PRXL2C: variants seen among roughly 807,000 people sequenced by gnomAD.
PRXL2C encodes the protein peroxiredoxin like 2C.
A neutral mutation model predicts 24.9 loss-of-function variants in PRXL2C; 38 were observed. The observed-to-expected ratio is 1.53, with a 90% confidence interval of 1.18 to 2.00. The LOEUF (loss-of-function observed/expected upper bound fraction) is 2.00, where lower values mean the gene tolerates loss of function less well. Ranked by LOEUF, PRXL2C falls within the 30% of genes most tolerant of loss-of-function variation. The pLI, the probability that PRXL2C is intolerant of heterozygous loss-of-function variation, is 0.00. For missense variants in PRXL2C, 294 were observed against 290.9 expected, an observed-to-expected ratio of 1.01 and a Z score of -0.08; for synonymous variants, 98 against 117.2, an observed-to-expected ratio of 0.84 and a Z score of 1.06.
intron 5 of PRXL2C, among the ~76,000 whole-genome samples, chr9:96,644,873 C>T (rs556775312): frequency 5.4e-4 from 64 of 117,814 alleles, no homozygotes; most frequent in Admixed American, 1.2e-3. Flanking sequence ...TAAATAACTA[C>T]ATGGATTCTT....
In PRXL2C at chr9:96,651,682, G is replaced by A; in HGVS notation, c.292C>T (p.Gln98Ter). Residue 98 changes from glutamine (Q) to a stop codon, truncating the protein, a stop_gained, in exon 3 of 6, where the codon CAG becomes TAG. Transcript: ENST00000375234. LOFTEE classifies it high-confidence loss of function. ...ACCTCAATATGATGGTAGGATGACT[G>A]TCCAATCACTATAAGGGTGACATTT... is the stretch of plus-strand genomic sequence containing the variant. ...EANVTLIVIG[Q>*]SSYHHIEPFC... The A allele has an allele frequency of 6.2e-7, 1 of 1,610,628 alleles. No individual in the cohort carries two copies. Among genetic ancestry groups the A allele is most frequent in the Non-Finnish European group, 8.5e-7 (1 of 1,177,854 alleles).
chr9:96,655,169 G>C lies in PRXL2C; in HGVS notation c.113C>G (p.Pro38Arg). The C allele has an allele frequency of 8.1e-7, 1 of 1,236,286 alleles. No individual in the cohort carries two copies. The highest frequency in any genetic ancestry group is 1.0e-6 in the Non-Finnish European group (1 of 992,252). 76.6% of individuals were successfully genotyped at this position (1,236,286 alleles called of 1,614,324 possible). A position where few individuals can be genotyped will look rare whatever the true frequency, so the allele number is the denominator to read the frequency against. Residue 38 changes from proline (P) to arginine (R), a missense_variant, in exon 1 of 6, where the codon CCG (proline) becomes CGG (arginine). Pro to Arg is a moderately radical substitution (Grantham distance 103). Coordinates refer to ENST00000375234, the MANE Select transcript of PRXL2C (RefSeq NM_153698.2). ...CCGCTGCCCGCGGGCGTCCAGCACC[G>C]GCAGCTCGGCCACGGCGGCCGCCAG... The part of the protein sequence containing the change: ...QPLAAAVAEL[P>R]VLDARGQRVP...
At chr9:96,653,102 TG>T (rs1269834469) in intron 2 of PRXL2C, among the ~76,000 whole-genome samples, 3 of 151,642 alleles carry the variant, frequency 2.0e-5, no homozygotes, top group Non-Finnish European at 4.4e-5. Flanking sequence ...GGCGGGCGCC[TG>T]TTAGTCCCAG....
chr9:96,649,763 A>G (rs1404076472), intron 4 of PRXL2C, among the ~76,000 whole-genome samples: 1 of 151,796 alleles, frequency 6.6e-6, no homozygotes, highest in African/African-American at 2.4e-5. Flanking sequence ...CCTGCTCCAC[A>G]TGGGTTATAT....
rs1318832311 is a variant in PRXL2C, at chr9:96,654,632, G to A, written c.261+73C>T. The A allele has an allele frequency of 1.5e-5, 22 of 1,419,810 alleles. No individual in the cohort carries two copies. The East Asian group carries it at 2.0e-4, about 13-fold the overall frequency. The allele number at this position is 1,419,810 out of a possible 1,614,324, so 88.0% of individuals were successfully genotyped here. A position where few individuals can be genotyped will look rare whatever the true frequency, so the allele number is the denominator to read the frequency against. On this transcript the variant is annotated intron_variant, in intron 2 of 5. Transcript: ENST00000375234. ...TCCAGGCTGCAAGTTCCGCGCTGGA[G>A]CCGCGTCCTCCCCCGCCCCGCTCGC...
At chr9:96,644,662 CT>C (rs1848166118) in intron 5 of PRXL2C, among the ~76,000 whole-genome samples, 1 of 149,564 alleles carries the variant, frequency 6.7e-6, no homozygotes, top group Non-Finnish European at 1.5e-5. Context: ...ATTTTTTGTA[CT>C]TTTAGTAGAG....
chr9:96,653,168 A>C (rs1462269395), intron 2 of PRXL2C, among the ~76,000 whole-genome samples: 1 of 151,882 alleles, frequency 6.6e-6, no homozygotes, highest in Non-Finnish European at 1.5e-5. Context: ...CGGAGCTTGC[A>C]GTGAGCTGAG....
intron 4 of PRXL2C, among the ~76,000 whole-genome samples, chr9:96,647,528 C>T (rs568406335): frequency 6.6e-6 from 1 of 152,148 alleles, no homozygotes; most frequent in East Asian, 1.9e-4. Context: ...TTAAGTTTTA[C>T]TTTGTTTTTT....
At position 96,645,199 on chromosome 9, in the gene PRXL2C, G is replaced by A. The variant is rs373654532; in HGVS notation, c.553+694C>T. On this transcript the variant is annotated intron_variant, in intron 5 of 5. Transcript: ENST00000375234. ...GCTGGGATTACAGGCGTAAACCACCGCGCCCGGCTGGATTCTTTTCTTGAA... is the reference window on the plus strand; with the variant it reads ...GCTGGGATTACAGGCGTAAACCACCACGCCCGGCTGGATTCTTTTCTTGAA... Among the ~76,000 whole-genome samples, 714 of 151,472 alleles carry A rather than the reference G, an allele frequency of 4.7e-3. 1 individual carries two copies. The highest frequency in any genetic ancestry group is 7.5e-3 in the Non-Finnish European group (506 of 67,810).
At position 96,651,401 on chromosome 9, in the gene PRXL2C, A is replaced by G. The variant is rs1848263125; in HGVS notation, c.410T>C (p.Ile137Thr). Residue 137 changes from isoleucine (I) to threonine (T), a missense_variant, in exon 4 of 6, where the codon ATT becomes ACT. Coordinates refer to ENST00000375234, the MANE Select transcript of PRXL2C (RefSeq NM_153698.2). ...ATGTTATGTCTTACCTGAGGAAGCA[A>G]TTTCTTCACCTCTTTTCATTCCCAA... ...KRLGMKRGEE[I>T]ASSGQSPHIK... 2 of 1,610,136 alleles carry G rather than the reference A, an allele frequency of 1.2e-6. No individual in the cohort carries two copies. The highest frequency in any genetic ancestry group is 4.5e-5 in the East Asian group (2 of 44,846).
intron 4 of PRXL2C, among the ~76,000 whole-genome samples, chr9:96,647,627 A>G (rs1336516833): frequency 6.6e-6 from 1 of 151,594 alleles, no homozygotes; most frequent in East Asian, 2.0e-4. Flanking sequence ...GGCTCAAGCG[A>G]TCCTCCCCCG....
chr9:96,644,227 GAA>G (rs1223719229), intron 5 of PRXL2C, among the ~76,000 whole-genome samples: 1 of 151,606 alleles, frequency 6.6e-6, no homozygotes, highest in Non-Finnish European at 1.5e-5. Context: ...TAAAGAGGAA[GAA>G]AAAACAAAAA....
chr9:96,646,599 CTA>C (rs375788696), intron 4 of PRXL2C, among the ~76,000 whole-genome samples: 27 of 152,250 alleles, frequency 1.8e-4, no homozygotes, highest in African/African-American at 6.5e-4. Context: ...AGGCATGTGA[CTA>C]TGTTATAAAC....
intron 4 of PRXL2C, among the ~76,000 whole-genome samples, chr9:96,650,694 A>G (rs1848254147): frequency 6.6e-6 from 1 of 152,130 alleles, no homozygotes; most frequent in South Asian, 2.1e-4. Context: ...ACTTAATACT[A>G]CTTTCCGTTT....
chr9:96,641,712 G>T lies in PRXL2C; in HGVS notation c.*47C>A. On this transcript the variant is annotated 3_prime_UTR_variant, in exon 6 of 6. Transcript: ENST00000375234. ...AGGATATTACACCCAGGCATTGAAG[G>T]TCACATTCCAGAAGGTCCAGTTGAA... 1 of 1,509,354 alleles carries T rather than the reference G, an allele frequency of 6.6e-7. No individual in the cohort carries two copies. Among genetic ancestry groups the T allele is most frequent in the African/African-American group, 1.4e-5 (1 of 73,210 alleles). The allele number at this position is 1,509,354 out of a possible 1,614,324, so 93.5% of individuals were successfully genotyped here.
intron 5 of PRXL2C, among the ~76,000 whole-genome samples, chr9:96,643,128 GC>G (rs1425500734): frequency 6.6e-6 from 1 of 152,182 alleles, no homozygotes; most frequent in Non-Finnish European, 1.5e-5. Flanking sequence ...AGACACTTGA[GC>G]ATCTCAGATT....
intron 5 of PRXL2C, among the ~76,000 whole-genome samples, chr9:96,643,350 G>A (rs963590625): frequency 2.6e-5 from 4 of 152,142 alleles, no homozygotes; most frequent in East Asian, 1.9e-4. Flanking sequence ...AGGTTCAAGC[G>A]ATTATCCTGC....
At chr9:96,648,395 T>C (rs1407251000) in intron 4 of PRXL2C, among the ~76,000 whole-genome samples, 1 of 152,162 alleles carries the variant, frequency 6.6e-6, no homozygotes, top group Non-Finnish European at 1.5e-5. Context: ...TACTCCCTTG[T>C]ATGTAATGGC....
At chr9:96,646,977 A>G (rs1031477908) in intron 4 of PRXL2C, among the ~76,000 whole-genome samples, 2 of 152,072 alleles carry the variant, frequency 1.3e-5, no homozygotes, top group Non-Finnish European at 2.9e-5. Context: ...TTTAGTACAG[A>G]TGGGGTTTCT....
Sources: allele counts gnomAD v4.1 joint callset (sites outside exome capture counted in the v4.1 genomes callset), GRCh38; gene constraint gnomAD v4.1.1; transcripts MANE v1.5; gene names NCBI Gene and HGNC (gene_info 2026-07-23, HGNC 2026-07-21).